The following TBC1D4 variants were observed in gnomAD, a reference collection of about 807,000 sequenced individuals.
The protein encoded by TBC1D4 is TBC (Tre-2, BUB2, CDC16) domain-containing protein.
In TBC1D4, 121 loss-of-function variants were observed where a neutral mutation model predicts 142.5. The observed-to-expected ratio is 0.85, with a 90% CI of 0.73 to 0.99. TBC1D4 has a LOEUF of 0.99. TBC1D4 is among the 50% of genes least tolerant of loss of function. TBC1D4 has a pLI of 0.00. For missense variants in TBC1D4, 1,475 were observed against 1,606.6 expected (o/e 0.92, Z 1.40); for synonymous variants, 630 against 628.2 (o/e 1.00, Z -0.04).
rs1336533790 is a variant in TBC1D4, at chr13:75,283,656, T to C, written c.*3136A>G. Among the ~76,000 whole-genome samples the C allele has an allele frequency of 6.6e-6, 1 of 152,190 alleles. No individual in the cohort carries two copies. Among genetic ancestry groups the C allele is most frequent in the Non-Finnish European group, 1.5e-5 (1 of 68,036 alleles). ...TTTTGTATTTTCTTGTGGCTCTCTC[T>C]CCCTTGCTATCTATGAGGGGGCCTG... On this transcript the variant is annotated 3_prime_UTR_variant, in exon 21 of 21. Transcript: ENST00000377636.
chr13:75,418,225 C>T (rs564075327), intron 1 of TBC1D4, among the ~76,000 whole-genome samples: 31 of 152,134 alleles, frequency 2.0e-4, no homozygotes, highest in African/African-American at 6.5e-4. Context: ...TTACTAAGCC[C>T]CACCGATATA....
chr13:75,384,341 C>T (rs1373609485), intron 1 of TBC1D4, among the ~76,000 whole-genome samples: 2 of 152,032 alleles, frequency 1.3e-5, no homozygotes, highest in East Asian at 3.9e-4. Flanking sequence ...GAGGCTGAGA[C>T]AGGAGGATCG....
chr13:75,334,486 C>T (rs1004469835), intron 8 of TBC1D4, among the ~76,000 whole-genome samples: 3 of 151,828 alleles, frequency 2.0e-5, no homozygotes, highest in African/African-American at 4.8e-5. Context: ...TCTATATTTA[C>T]ATGTATATAA....
In TBC1D4 at chr13:75,361,850, C is replaced by T. The variant is rs3825441; in HGVS notation, c.1080+176G>A. 3.9e-5 allele frequency among the ~76,000 whole-genome samples: 6 copies of T among 152,070 alleles called. 1 individual carries two copies. Among genetic ancestry groups the T allele is most frequent in the Admixed American group, 3.9e-4 (6 of 15,294 alleles). On this transcript the variant is annotated intron_variant, in intron 2 of 20. Transcript: ENST00000377636. ...CCACACTCCACGTCTGCCTCTCCCC[C>T]CTTCCCTACTTTCCTCTGCACTCTT... is the stretch of plus-strand genomic sequence containing the variant.
At chr13:75,415,017 G>A (rs980770175) in intron 1 of TBC1D4, among the ~76,000 whole-genome samples, 3 of 151,804 alleles carry the variant, frequency 2.0e-5, no homozygotes, top group Admixed American at 2.0e-4. Flanking sequence ...CCAGCTACTT[G>A]GGAGGCTGAG....
At chr13:75,426,967 T>C (rs551535244) in intron 1 of TBC1D4, among the ~76,000 whole-genome samples, 6 of 152,076 alleles carry the variant, frequency 3.9e-5, no homozygotes, top group Non-Finnish European at 7.4e-5. Context: ...GATGACTGCT[T>C]GAGCCTGAGA....
At chr13:75,368,870 C>T (rs980159913) in intron 1 of TBC1D4, among the ~76,000 whole-genome samples, 2 of 151,808 alleles carry the variant, frequency 1.3e-5, no homozygotes, top group African/African-American at 4.8e-5. Flanking sequence ...ACAGCAAAAC[C>T]CCATCTCTAT....
intron 1 of TBC1D4, among the ~76,000 whole-genome samples, chr13:75,453,051 T>C (rs1276922839): frequency 7.9e-5 from 12 of 152,166 alleles, no homozygotes; most frequent in Admixed American, 7.9e-4. Flanking sequence ...AAGAAAATTA[T>C]TTTCAAATGC....
chr13:75,427,288 C>A (rs138956851), intron 1 of TBC1D4, among the ~76,000 whole-genome samples: 1 of 152,084 alleles, frequency 6.6e-6, no homozygotes, highest in Non-Finnish European at 1.5e-5. Flanking sequence ...GGGGTTTCAC[C>A]GTGGTCTCGA....
intron 1 of TBC1D4, among the ~76,000 whole-genome samples, chr13:75,436,687 C>A (rs1886814601): frequency 6.6e-6 from 1 of 151,608 alleles, no homozygotes; most frequent in East Asian, 1.9e-4. Flanking sequence ...CATTTTACAA[C>A]CATCATAGTA....
At chr13:75,461,481 A>C (rs1412464161) in intron 1 of TBC1D4, among the ~76,000 whole-genome samples, 3 of 152,206 alleles carry the variant, frequency 2.0e-5, no homozygotes, top group African/African-American at 7.2e-5. Flanking sequence ...TAAGTGCTAT[A>C]AACTTTCTAG....
intron 1 of TBC1D4, among the ~76,000 whole-genome samples, chr13:75,370,913 T>C (rs1883189986): frequency 1.3e-5 from 2 of 151,984 alleles, no homozygotes; most frequent in Non-Finnish European, 2.9e-5. Flanking sequence ...CATAGACAGC[T>C]AGGCAGAAAC....
intron 1 of TBC1D4, among the ~76,000 whole-genome samples, chr13:75,398,309 G>A (rs1884905275): frequency 6.6e-6 from 1 of 152,198 alleles, no homozygotes; most frequent in African/African-American, 2.4e-5. Flanking sequence ...GTGGGTGCTG[G>A]CATAAGAAAA....
rs1875382532 is a variant in TBC1D4 at position 75,292,219 on chromosome 13, T to C, written c.3369A>G (p.Leu1123=). 1 of 1,613,506 alleles carries C rather than the reference T, an allele frequency of 6.2e-7. No individual in the cohort carries two copies. Among genetic ancestry groups the C allele is most frequent in the Non-Finnish European group, 8.5e-7 (1 of 1,179,698 alleles). ...TEVIFKVALS[L]LSSQETLIME... is the part of the protein sequence containing the mutation. ...TTATAAGTGTCTCTTGGCTGCTCAGTAGGCTGAGTGCAACCTTGAATATAA... is the reference window on the plus strand; with the variant it reads ...TTATAAGTGTCTCTTGGCTGCTCAGCAGGCTGAGTGCAACCTTGAATATAA... Residue 1123 remains leucine, a synonymous_variant, in exon 19 of 21, where the codon CTA becomes CTG. Coordinates refer to ENST00000377636, the MANE Select transcript of TBC1D4 (RefSeq NM_014832.5).
chr13:75,326,473 A>T (rs1879277099), intron 9 of TBC1D4, 50 bp from the exon 10 acceptor site: 1 of 1,587,002 alleles, frequency 6.3e-7, no homozygotes, highest in Non-Finnish European at 8.6e-7. Flanking sequence ...GGGTCATGGC[A>T]GACCTGCCAA....
At position 75,481,569 on chromosome 13, in the gene TBC1D4, G is replaced by C; in HGVS notation, c.199C>G (p.Gln67Glu). ...CCGCAGCCGCCCGCCTCGGGCTTCT[G>C]GCTGCGCCTGCGGATCTCGGCCATG... ...WLMAEIRRRS[Q>E]KPEAGGCGAP... Residue 67 changes from glutamine (Q) to glutamate (E), a missense_variant, in exon 1 of 21, where the codon CAG becomes GAG. By Grantham distance (29) the Gln-to-Glu change is conservative. Coordinates refer to ENST00000377636, the MANE Select transcript of TBC1D4 (RefSeq NM_014832.5). The C allele has an allele frequency of 6.2e-7, 1 of 1,600,354 alleles. No individual in the cohort carries two copies. The highest frequency in any genetic ancestry group is 1.3e-5 in the African/African-American group (1 of 74,572).
chr13:75,368,648 C>T (rs1403452781), intron 1 of TBC1D4, among the ~76,000 whole-genome samples: 1 of 152,162 alleles, frequency 6.6e-6, no homozygotes, highest in Non-Finnish European at 1.5e-5. Context: ...CGACTTGTGC[C>T]TTCTTATCCT....
chr13:75,390,277 C>CCAAAA (rs765770957), intron 1 of TBC1D4, among the ~76,000 whole-genome samples: 2 of 112,302 alleles, frequency 1.8e-5, no homozygotes, highest in Non-Finnish European at 3.5e-5. Flanking sequence ...GAGACTCCGT[C>CCAAAA]AAAAAAAAAA....
At chr13:75,379,195 G>A (rs754762303) in intron 1 of TBC1D4, among the ~76,000 whole-genome samples, 13 of 151,870 alleles carry the variant, frequency 8.6e-5, no homozygotes, top group African/African-American at 1.2e-4. Context: ...GAAATGACTA[G>A]CTCAAAATCA....
Sources: allele counts gnomAD v4.1 joint callset (sites outside exome capture counted in the v4.1 genomes callset), GRCh38; gene constraint gnomAD v4.1.1; transcripts MANE v1.5; gene names NCBI Gene and HGNC (gene_info 2026-07-23, HGNC 2026-07-21).